The following FBXO16 variants were observed in gnomAD, a reference collection of about 807,000 sequenced individuals.
FBXO16 encodes F-box protein 16, also known as F-box only protein 16.
Under a neutral mutation model 41.0 loss-of-function variants are expected in FBXO16, and 31 were observed. That is an observed-to-expected ratio of 0.76 (90% CI 0.57 to 1.02). The LOEUF is 1.02. Ranked by LOEUF, FBXO16 falls within the 50% of genes least tolerant of loss-of-function variation. The pLI is 0.00. For missense variants in FBXO16, 361 were observed against 346.2 expected, an observed-to-expected ratio of 1.04 and a Z score of -0.34; for synonymous variants, 133 against 117.8, an observed-to-expected ratio of 1.13 and a Z score of -0.84.
chr8:28,435,698 G>A (rs529298501), intron 7 of FBXO16, among the ~76,000 whole-genome samples: 2 of 152,284 alleles, frequency 1.3e-5, no homozygotes, highest in Non-Finnish European at 2.9e-5. Context: ...CAATGTTGTA[G>A]AAAACCGATT....
intron 2 of FBXO16, among the ~76,000 whole-genome samples, chr8:28,475,694 C>G (rs748228002): frequency 4.6e-5 from 7 of 152,174 alleles, no homozygotes; most frequent in Non-Finnish European, 1.0e-4. Flanking sequence ...CTAGTGGTTT[C>G]TGTTAATTTT....
intron 4 of FBXO16, among the ~76,000 whole-genome samples, chr8:28,459,475 G>A (rs988247551): frequency 6.6e-6 from 1 of 151,386 alleles, no homozygotes; most frequent in African/African-American, 2.4e-5. Context: ...AAAATTAGCT[G>A]GGCGTGGTGA....
At position 28,456,815 on chromosome 8, in the gene FBXO16, T is replaced by C. The variant is rs757098737; in HGVS notation, c.458A>G (p.Lys153Arg). The change falls in exon 5 of 9, where the codon AAG becomes AGG. Residue 153 changes from lysine to arginine, a missense_variant. Coordinates refer to ENST00000380254, the MANE Select transcript of FBXO16 (RefSeq NM_172366.4). ...SPTPFEQGIW[K>R]KHYIQMVKEL... ...TTTCACCATTTGAATATAGTGCTTCTTCCAGATCCCCTGCTCAAAGGGAGT... is the reference window on the plus strand; with the variant it reads ...TTTCACCATTTGAATATAGTGCTTCCTCCAGATCCCCTGCTCAAAGGGAGT... 1.2e-6 allele frequency: 2 copies of C among 1,614,148 alleles called. No individual in the cohort carries two copies. The highest frequency in any genetic ancestry group is 2.2e-5 in the South Asian group (2 of 91,068).
chr8:28,447,229 G>C lies in FBXO16; in HGVS notation c.785C>G (p.Ser262Ter). The C allele has an allele frequency of 6.2e-7, 1 of 1,613,736 alleles. No homozygotes were observed. The highest frequency in any genetic ancestry group is 8.5e-7 in the Non-Finnish European group (1 of 1,179,978). ...CTGCAATTTATTTTTCTTATCATGT[G>C]ACTGTCGGCTGAAGTCTGGGGTCAT... ...NQMTPDFSRQSHDKKNKLQDR... is the reference protein window; with the variant it reads ...NQMTPDFSRQ Residue 262 changes from serine to a stop codon, truncating the protein, a stop_gained, in exon 7 of 9, where the codon TCA becomes TGA. Coordinates refer to ENST00000380254, the MANE Select transcript of FBXO16 (RefSeq NM_172366.4). LOFTEE classifies it high-confidence loss of function.
intron 7 of FBXO16, among the ~76,000 whole-genome samples, chr8:28,439,889 T>C (rs1030844804): frequency 2.0e-5 from 3 of 152,202 alleles, no homozygotes; most frequent in Admixed American, 2.0e-4. Context: ...TTTTGGTTCA[T>C]TATACTTCCT....
intron 7 of FBXO16, among the ~76,000 whole-genome samples, chr8:28,442,237 C>T (rs1037087410): frequency 9.2e-5 from 14 of 151,960 alleles, no homozygotes; most frequent in South Asian, 4.2e-4. Flanking sequence ...TGTGCCCGGC[C>T]GGAATTTGTA....
intron 5 of FBXO16, among the ~76,000 whole-genome samples, chr8:28,454,504 G>A (rs896764971): frequency 1.3e-4 from 19 of 151,444 alleles, no homozygotes; most frequent in African/African-American, 4.2e-4. Flanking sequence ...CGAGGCGGGC[G>A]GATCACGAGG....
At chr8:28,470,108 G>A (rs1026177950) in intron 3 of FBXO16, among the ~76,000 whole-genome samples, 121 of 137,294 alleles carry the variant, frequency 8.8e-4, no homozygotes, top group South Asian at 1.9e-3. Flanking sequence ...GCAGGAGAAT[G>A]GCGTGAACCC....
At chr8:28,430,613 T>G (rs768273952) in intron 7 of FBXO16, among the ~76,000 whole-genome samples, 1 of 152,172 alleles carries the variant, frequency 6.6e-6, no homozygotes, top group Non-Finnish European at 1.5e-5. Flanking sequence ...AAGATCAGCA[T>G]AAGGTAAGAA....
At chr8:28,483,898 G>A (rs951400893) in intron 1 of FBXO16, among the ~76,000 whole-genome samples, 3 of 152,158 alleles carry the variant, frequency 2.0e-5, no homozygotes, top group Non-Finnish European at 4.4e-5. Context: ...GGAATGCGGT[G>A]GGAAGAGCAT....
At chr8:28,428,786 G>A (rs1160089205) in intron 8 of FBXO16, 50 bp from the exon 9 acceptor site, 4 of 1,453,104 alleles carry the variant, frequency 2.8e-6, no homozygotes, top group East Asian at 2.6e-5. Flanking sequence ...AAATACCAAG[G>A]GAGCTATCTA....
intron 4 of FBXO16, among the ~76,000 whole-genome samples, chr8:28,463,348 GTGTT>G: frequency 6.6e-6 from 1 of 151,292 alleles, no homozygotes; most frequent in East Asian, 1.9e-4. Flanking sequence ...GTGTATATTT[GTGTT>G]TGTGTATATG....
intron 3 of FBXO16, among the ~76,000 whole-genome samples, chr8:28,469,293 A>G (rs1803293686): frequency 6.6e-6 from 1 of 151,916 alleles, no homozygotes; most frequent in Admixed American, 6.6e-5. Context: ...AGCCTGGGCA[A>G]CAAGAGCGAA....
At chr8:28,478,751 G>A (rs539650066) in intron 2 of FBXO16, among the ~76,000 whole-genome samples, 4 of 150,924 alleles carry the variant, frequency 2.7e-5, no homozygotes, top group Non-Finnish European at 4.4e-5. Context: ...TGAACTGGGA[G>A]GCAGAGGTTG....
chr8:28,469,866 A>G (rs1179843335), intron 3 of FBXO16, among the ~76,000 whole-genome samples: 2 of 151,468 alleles, frequency 1.3e-5, no homozygotes, highest in Non-Finnish European at 2.9e-5. Context: ...GCGCCAATGC[A>G]CTCCAGCCTG....
chr8:28,478,821 CAAAAAAAAAAA>C (rs35959759), intron 2 of FBXO16, among the ~76,000 whole-genome samples: 1 of 117,818 alleles, frequency 8.5e-6, no homozygotes, highest in Admixed American at 8.9e-5. Context: ...ATTCTGTCTC[CAAAAAAAAAAA>C]AAAAAAAAAA....
At chr8:28,429,711 A>C (rs761361173) in intron 7 of FBXO16, among the ~76,000 whole-genome samples, 6 of 152,166 alleles carry the variant, frequency 3.9e-5, no homozygotes, top group Non-Finnish European at 8.8e-5. Flanking sequence ...CTGTAAGTCT[A>C]TGAAAATCCT....
At chr8:28,485,476 G>A (rs543052831) in intron 1 of FBXO16, among the ~76,000 whole-genome samples, 42 of 152,166 alleles carry the variant, frequency 2.8e-4, no homozygotes, top group South Asian at 2.3e-3. Flanking sequence ...CCCGACCTTT[G>A]ATAATTTTTT....
In FBXO16 at chr8:28,463,382, GTGTGTT is replaced by G. The variant is rs781100593; in HGVS notation, c.342+224_342+229del. Among the ~76,000 whole-genome samples, 73 of 139,566 alleles carry G rather than the reference GTGTGTT, an allele frequency of 5.2e-4. 1 individual carries two copies. The highest frequency in any genetic ancestry group is 1.6e-3 in the East Asian group (6 of 3,734). The allele number at this position is 139,566 out of a possible 152,430, so 91.6% of individuals were successfully genotyped here. A position where few individuals can be genotyped will look rare whatever the true frequency, so the allele number is the denominator to read the frequency against. On this transcript the variant is annotated intron_variant, in intron 4 of 8. Transcript: ENST00000380254. ...TATATGTGTGTATATGTGTGTGTTTGTGTGTTTGTGTTTGTATGTATTTGTGTGTGT... is the reference window on the plus strand; with the variant it reads ...TATATGTGTGTATATGTGTGTGTTTGTGTGTTTGTATGTATTTGTGTGTGT...
Sources: gnomAD v4.1 joint callset for allele counts (sites outside exome capture counted in the v4.1 genomes callset) on GRCh38, gnomAD v4.1.1 for gene constraint, MANE v1.5 for transcripts, NCBI Gene and HGNC (gene_info 2026-07-23, HGNC 2026-07-21) for gene names.